CALCR: variants seen among roughly 807,000 people sequenced by gnomAD.
CALCR encodes the protein calcitonin receptor.
A neutral mutation model predicts 59.5 loss-of-function variants in CALCR; 47 were observed. That is an observed-to-expected ratio of 0.79 (90% CI 0.63 to 1.01). The LOEUF (loss-of-function observed/expected upper bound fraction) is 1.01, where lower values mean the gene tolerates loss of function less well. CALCR is among the 50% of genes least tolerant of loss of function. The pLI is 0.00. For missense variants in CALCR, 566 were observed against 597.1 expected, an observed-to-expected ratio of 0.95 and a Z score of 0.54; for synonymous variants, 213 against 211.3, an observed-to-expected ratio of 1.01 and a Z score of -0.07.
chr7:93,515,745 G>A (rs1563004109), intron 2 of CALCR, among the ~76,000 whole-genome samples: 1 of 151,952 alleles, frequency 6.6e-6, no homozygotes, highest in African/African-American at 2.4e-5. Flanking sequence ...TTTGTAGAAT[G>A]AGCATCAGAA....
chr7:93,459,808 G>A (rs7776917), intron 8 of CALCR, among the ~76,000 whole-genome samples: 70,310 of 151,864 alleles, frequency 0.46, 16,514 homozygotes, highest in South Asian at 0.55. Flanking sequence ...ATTCTGGTAG[G>A]AAAAATCCAG....
In CALCR at chr7:93,490,773, A is replaced by G. The variant is rs544065041; in HGVS notation, c.-26-3766T>C. Among the ~76,000 whole-genome samples, 9 of 152,164 alleles carry G rather than the reference A, an allele frequency of 5.9e-5. 2 individuals carry two copies. Among genetic ancestry groups the G allele is most frequent in the African/African-American group, 2.2e-4 (9 of 41,540 alleles). ...AATAAGAGATTACACAAACAAATGG[A>G]AGAACATTCCATCCTCATGGATAGG... is the stretch of plus-strand genomic sequence containing the variant. On this transcript the variant is annotated intron_variant, in intron 2 of 13. Transcript: ENST00000426151.
chr7:93,494,936 T>C (rs1405400133), intron 2 of CALCR, among the ~76,000 whole-genome samples: 1 of 151,406 alleles, frequency 6.6e-6, no homozygotes, highest in South Asian at 2.1e-4. Flanking sequence ...GCCAATGGCT[T>C]AGTTGAAGAG....
At chr7:93,529,576 T>A (rs1788778447) in intron 2 of CALCR, among the ~76,000 whole-genome samples, 1 of 152,164 alleles carries the variant, frequency 6.6e-6, no homozygotes, top group Admixed American at 6.6e-5. Context: ...TTTATTATTT[T>A]TCATTTATTT....
chr7:93,443,232 A>C (rs1799946556), intron 9 of CALCR, among the ~76,000 whole-genome samples: 2 of 152,144 alleles, frequency 1.3e-5, no homozygotes, highest in African/African-American at 4.8e-5. Flanking sequence ...GAGGTACATA[A>C]TTCAAAATGT....
chr7:93,438,157 C>A (rs763829851), intron 10 of CALCR, 31 bp from the exon 11 acceptor site: 1 of 1,612,724 alleles, frequency 6.2e-7, no homozygotes, highest in Non-Finnish European at 8.5e-7. Context: ...AATTAATACA[C>A]AAATACATTT....
chr7:93,493,627 C>T (rs1801133335), intron 2 of CALCR, among the ~76,000 whole-genome samples: 1 of 151,386 alleles, frequency 6.6e-6, no homozygotes, highest in Admixed American at 6.6e-5. Context: ...TCTTCTTTAG[C>T]AATTCCCTAC....
At chr7:93,520,797 T>C (rs1440111122) in intron 2 of CALCR, among the ~76,000 whole-genome samples, 1 of 152,128 alleles carries the variant, frequency 6.6e-6, no homozygotes, top group Non-Finnish European at 1.5e-5. Context: ...GGGGCCAATT[T>C]TTTTATGAAC....
chr7:93,555,079 A>G (rs1393879999), intron 2 of CALCR, among the ~76,000 whole-genome samples: 1 of 152,066 alleles, frequency 6.6e-6, no homozygotes, highest in Non-Finnish European at 1.5e-5. Flanking sequence ...TGCTGGTTAC[A>G]GGGAATTGCT....
At chr7:93,431,474 A>G (rs1283197636) in intron 13 of CALCR, among the ~76,000 whole-genome samples, 1 of 152,172 alleles carries the variant, frequency 6.6e-6, no homozygotes, top group Non-Finnish European at 1.5e-5. Flanking sequence ...GTGAATCAGA[A>G]TAGGGCTGTG....
At chr7:93,560,542 A>C (rs1007875115) in intron 2 of CALCR, among the ~76,000 whole-genome samples, 8 of 152,096 alleles carry the variant, frequency 5.3e-5, no homozygotes, top group Admixed American at 1.3e-4. Flanking sequence ...AGATCATCTG[A>C]AAATCTTTAC....
At chr7:93,493,671 G>A (rs575513598) in intron 2 of CALCR, among the ~76,000 whole-genome samples, 1 of 151,444 alleles carries the variant, frequency 6.6e-6, no homozygotes, top group African/African-American at 2.4e-5. Flanking sequence ...CCATTGGCTA[G>A]GAATACAATA....
chr7:93,519,402 C>T (rs1801712303), intron 2 of CALCR, among the ~76,000 whole-genome samples: 1 of 151,818 alleles, frequency 6.6e-6, no homozygotes, highest in Non-Finnish European at 1.5e-5. Context: ...AGTAGGGTGA[C>T]CCTAGGAAAG....
At chr7:93,546,163 A>T (rs931001752) in intron 2 of CALCR, among the ~76,000 whole-genome samples, 4 of 152,134 alleles carry the variant, frequency 2.6e-5, no homozygotes, top group Admixed American at 6.6e-5. Context: ...TATCATGCAA[A>T]GTCCAGGTAT....
intron 2 of CALCR, among the ~76,000 whole-genome samples, chr7:93,539,847 T>C (rs1789085270): frequency 6.6e-6 from 1 of 152,158 alleles, no homozygotes; most frequent in African/African-American, 2.4e-5. Flanking sequence ...CACGCCTTTG[T>C]ATGACCTGAA....
chr7:93,430,754 C>T (rs1257823758), intron 13 of CALCR, among the ~76,000 whole-genome samples: 1 of 152,144 alleles, frequency 6.6e-6, no homozygotes, highest in Non-Finnish European at 1.5e-5. Context: ...AATTCTCAAA[C>T]CCCACCCCAG....
rs374282219 is a variant in CALCR at position 93,481,280 on chromosome 7, G to C, written c.52-1773C>G. Among the ~76,000 whole-genome samples the C allele has an allele frequency of 5.3e-5, 8 of 151,880 alleles. No individual in the cohort carries two copies. In the East Asian group the frequency reaches 1.4e-3, roughly 26 times the overall value. On this transcript the variant is annotated intron_variant, in intron 3 of 13. Transcript: ENST00000426151. The stretch of plus-strand genomic sequence containing the variant: ...GAAGGTTGTGAAAGGAGAATTTTTA[G>C]TAAAATTCATGCAGCAGGCATCAGA...
At chr7:93,490,025 A>G (rs1801039209) in intron 2 of CALCR, among the ~76,000 whole-genome samples, 2 of 152,052 alleles carry the variant, frequency 1.3e-5, no homozygotes, top group African/African-American at 4.8e-5. Context: ...ATACTGGCAA[A>G]CTGAATCCAG....
chr7:93,534,426 C>A (rs1456596918), intron 2 of CALCR, among the ~76,000 whole-genome samples: 1 of 151,754 alleles, frequency 6.6e-6, no homozygotes, highest in African/African-American at 2.4e-5. Context: ...AAGATATAGT[C>A]TCTCTGGTCA....
Sources: gnomAD v4.1 joint callset for allele counts (sites outside exome capture counted in the v4.1 genomes callset) on GRCh38, gnomAD v4.1.1 for gene constraint, MANE v1.5 for transcripts, NCBI Gene and HGNC (gene_info 2026-07-23, HGNC 2026-07-21) for gene names.